WDR26: variants seen among roughly 807,000 people sequenced by gnomAD.
WDR26 encodes the protein WD repeat-containing protein 26.
In WDR26, 5 loss-of-function variants were observed where a neutral mutation model predicts 84.1. That is an observed-to-expected ratio of 0.06 (90% CI 0.03 to 0.13). The LOEUF is 0.13. Among genes scored for constraint, WDR26 ranks in the 10% least tolerant of loss-of-function variants. The pLI is 1.00. For synonymous variants in WDR26, 415 were observed against 389.6 expected (o/e 1.07, Z -0.77); for missense variants, 642 against 974.9 (o/e 0.66, Z 4.55).
At chr1:224,399,946 T>C (rs1024051778) in intron 9 of WDR26, among the ~76,000 whole-genome samples, 10 of 152,082 alleles carry the variant, frequency 6.6e-5, no homozygotes, top group African/African-American at 2.4e-4. Flanking sequence ...TACTCTAGCA[T>C]GGGTGGCAGA....
At chr1:224,426,439 A>C (rs1223827032) in intron 3 of WDR26, among the ~76,000 whole-genome samples, 1 of 152,138 alleles carries the variant, frequency 6.6e-6, no homozygotes, top group African/African-American at 2.4e-5. Flanking sequence ...ACGGCTAAGG[A>C]ACAGAAAAAA....
chr1:224,431,463 A>G lies in WDR26; in HGVS notation c.927+14T>C, dbSNP rs376552888. ...TAAGCATAAATGTGAAACTAAGAAC[A>G]AAAGTGTATTTACCACAATTATTCC... On this transcript the variant is annotated intron_variant, in intron 3 of 13. Coordinates refer to ENST00000414423, the MANE Select transcript of WDR26 (RefSeq NM_001379403.1). The G allele has an allele frequency of 2.0e-5, 32 of 1,610,642 alleles. No homozygotes were observed. The highest frequency in any genetic ancestry group is 5.0e-5 in the Admixed American group (3 of 59,920).
chr1:224,411,318 C>G, intron 7 of WDR26, 109 bp downstream of exon 7: 1 of 1,212,578 alleles, frequency 8.2e-7, no homozygotes, highest in Non-Finnish European at 1.1e-6. Flanking sequence ...AAAAAATGCT[C>G]TTAGAAAAGA....
chr1:224,418,547 C>T (rs10495219), intron 5 of WDR26, 131 bp from the exon 6 acceptor site: 1 of 816,096 alleles, frequency 1.2e-6, no homozygotes, highest in African/African-American at 1.7e-5. Context: ...AGAAGTTCTG[C>T]GTTATGCGAT....
Position 224,388,679 on chromosome 1 carries a change from T to A in WDR26, c.*1156A>T, listed in dbSNP as rs1462461594. 1.3e-5 allele frequency: 2 copies of A among 152,646 alleles called. No individual in the cohort carries two copies. The allele number at this position is 152,646 out of a possible 1,614,324, so 9.5% of individuals were successfully genotyped here. A position where few individuals can be genotyped will look rare whatever the true frequency, so the allele number is the denominator to read the frequency against. On this transcript the variant is annotated 3_prime_UTR_variant, in exon 14 of 14. Transcript: ENST00000414423. ...TAAGGGCAATTAAGAAAAATGACTA[T>A]GAGGTTTTAATCCCAGTTTAAGTAT...
At chr1:224,424,434 C>G (rs1424557652) in intron 4 of WDR26, 84 bp downstream of exon 4, 19 of 1,534,240 alleles carry the variant, frequency 1.2e-5, no homozygotes, top group Admixed American at 2.0e-5. Flanking sequence ...TAGCAATAAT[C>G]AAGATTTTAT....
intron 7 of WDR26, among the ~76,000 whole-genome samples, chr1:224,407,172 A>AT (rs1491214480): frequency 3.6e-4 from 40 of 111,974 alleles, no homozygotes; most frequent in African/African-American, 1.3e-3. Context: ...ATATATATAT[A>AT]ACTCAAAAAC....
intron 13 of WDR26, among the ~76,000 whole-genome samples, chr1:224,390,913 TAAGTAATC>T (rs1673105803): frequency 6.6e-6 from 1 of 152,218 alleles, no homozygotes; most frequent in African/African-American, 2.4e-5. Flanking sequence ...CCCCAAGCCC[TAAGTAATC>T]ACTATATCTA....
At chr1:224,401,109 C>A (rs191509040) in intron 8 of WDR26, 40 bp from the exon 9 acceptor site, 4 of 1,587,492 alleles carry the variant, frequency 2.5e-6, no homozygotes, top group East Asian at 2.3e-5. Flanking sequence ...CTTCAAGATA[C>A]CCCTCTAAAG....
At chr1:224,423,080 C>A (rs1026154790) in intron 4 of WDR26, among the ~76,000 whole-genome samples, 1 of 152,094 alleles carries the variant, frequency 6.6e-6, no homozygotes, top group African/African-American at 2.4e-5. Context: ...TATAGAAATA[C>A]CATTATTCTT....
At position 224,404,522 on chromosome 1, in the gene WDR26, C is replaced by T; in HGVS notation, c.1507G>A (p.Gly503Ser). 6.2e-7 allele frequency: 1 copy of T among 1,613,938 alleles called. No individual in the cohort carries two copies. The highest frequency in any genetic ancestry group is 8.5e-7 in the Non-Finnish European group (1 of 1,179,918). ...GGACTCCATGCAATATAAGAAACGCCATAAGCATGTCCTTCTAATGTTTTA... is the reference window on the plus strand; with the variant it reads ...GGACTCCATGCAATATAAGAAACGCTATAAGCATGTCCTTCTAATGTTTTA... Residue 503 changes from glycine to serine, a missense_variant, in exon 8 of 14, where the codon GGC becomes AGC. Around this residue, in one of 2 missense-constraint regions of WDR26, gnomAD observed 351 missense variants for 672.8 expected, o/e 0.52. Transcript: ENST00000414423.
chr1:224,423,706 C>T (rs996419120), intron 4 of WDR26, among the ~76,000 whole-genome samples: 4 of 152,152 alleles, frequency 2.6e-5, no homozygotes, highest in Non-Finnish European at 4.4e-5. Context: ...TATGATTGTG[C>T]CACTGCACAC....
At chr1:224,391,963 A>G (rs916694365) in intron 13 of WDR26, among the ~76,000 whole-genome samples, 1 of 152,208 alleles carries the variant, frequency 6.6e-6, no homozygotes, top group East Asian at 1.9e-4. Context: ...CCCAGATCCT[A>G]CAAATTAGCC....
intron 6 of WDR26, among the ~76,000 whole-genome samples, chr1:224,414,932 G>A (rs889382711): frequency 6.6e-6 from 1 of 152,200 alleles, no homozygotes; most frequent in East Asian, 1.9e-4. Flanking sequence ...AGGCTGAGAC[G>A]GGAGTTCAAG....
chr1:224,393,993 G>T lies in WDR26; in HGVS notation c.2095C>A (p.His699Asn). Reference sequence around the variant, plus strand: ...GCAATTGGCAGTTCACTACGTTTGTGCCAGATGTAAACCTTGTGATCTGAA... The same window carrying T: ...GCAATTGGCAGTTCACTACGTTTGTTCCAGATGTAAACCTTGTGATCTGAA... Residue 699 changes from histidine to asparagine, a missense_variant, in exon 13 of 14, where the codon CAC (histidine) becomes AAC (asparagine). Around this residue, in one of 2 missense-constraint regions of WDR26, gnomAD observed 351 missense variants for 672.8 expected, o/e 0.52. Coordinates refer to ENST00000414423, the MANE Select transcript of WDR26 (RefSeq NM_001379403.1). 1 of 1,528,878 alleles carries T rather than the reference G, an allele frequency of 6.5e-7. No individual in the cohort carries two copies. Among genetic ancestry groups the T allele is most frequent in the South Asian group, 1.2e-5 (1 of 81,498 alleles). 94.7% of individuals were successfully genotyped at this position (1,528,878 alleles called of 1,614,324 possible).
Position 224,434,056 on chromosome 1 carries a change from C to T in WDR26, c.350G>A (p.Gly117Asp). 1 of 1,445,746 alleles carries T rather than the reference C, an allele frequency of 6.9e-7. No individual in the cohort carries two copies. The highest frequency in any genetic ancestry group is 2.5e-5 in the East Asian group (1 of 39,942). The allele number at this position is 1,445,746 out of a possible 1,614,324, so 89.6% of individuals were successfully genotyped here. ...GCCCCCGCCGCCCCCTCCTCCTCCACCGCCGCCGCCGCCACCTCCTCCTCC... is the reference window on the plus strand; with the variant it reads ...GCCCCCGCCGCCCCCTCCTCCTCCATCGCCGCCGCCGCCACCTCCTCCTCC... Residue 117 changes from glycine (G) to aspartate (D), a missense_variant, in exon 1 of 14, where the codon GGT (glycine) becomes GAT (aspartate). By Grantham distance (94) the Gly-to-Asp change is moderately conservative. This residue lies in a region of WDR26 where 291 missense variants were observed against 302.1 expected (regional missense o/e 0.96). Coordinates refer to ENST00000414423, the MANE Select transcript of WDR26 (RefSeq NM_001379403.1).
At chr1:224,405,328 T>A (rs1261837225) in intron 7 of WDR26, among the ~76,000 whole-genome samples, 2 of 152,252 alleles carry the variant, frequency 1.3e-5, no homozygotes, top group Non-Finnish European at 2.9e-5. Flanking sequence ...CATGAGGTGA[T>A]GAACATTTGG....
chr1:224,414,678 A>G (rs1220071836), intron 6 of WDR26, among the ~76,000 whole-genome samples: 2 of 152,178 alleles, frequency 1.3e-5, no homozygotes, highest in Non-Finnish European at 2.9e-5. Flanking sequence ...GATAAATAAT[A>G]GGAATTAAAT....
chr1:224,394,787 G>A (rs1673216559), intron 12 of WDR26, among the ~76,000 whole-genome samples: 1 of 152,116 alleles, frequency 6.6e-6, no homozygotes. Flanking sequence ...GAGCTACTGC[G>A]CCCCGCCTGC....
Sources: allele counts gnomAD v4.1 joint callset (sites outside exome capture counted in the v4.1 genomes callset), GRCh38; gene constraint gnomAD v4.1.1; regional missense constraint gnomAD v4.1.1; transcripts MANE v1.5; gene names NCBI Gene and HGNC (gene_info 2026-07-23, HGNC 2026-07-21).